Variants in RXYLT1 observed in about 807,000 individuals in gnomAD.
RXYLT1 encodes the protein ribitol-5-phosphate xylosyltransferase 1.
A neutral mutation model predicts 43.5 loss-of-function variants in RXYLT1; 41 were observed. The ratio of observed to expected loss-of-function variants is 0.94; its 90% CI spans 0.73 to 1.22. The LOEUF is 1.22. RXYLT1 is among the 50% of genes most tolerant of loss of function. The probability of loss-of-function intolerance (pLI) is 0.00; values close to 1 mark genes in which losing one functional copy is unlikely to be tolerated. For missense variants in RXYLT1, 514 were observed against 532.0 expected (o/e 0.97, Z 0.33); for synonymous variants, 166 against 194.4 (o/e 0.85, Z 1.21).
chr12:63,787,089 G>A (rs773554268), intron 3 of RXYLT1, among the ~76,000 whole-genome samples: 6 of 152,046 alleles, frequency 3.9e-5, no homozygotes, highest in Admixed American at 2.6e-4. Flanking sequence ...CTCCAACCCC[G>A]GGCGACAGAA....
rs1898402041 is a variant in RXYLT1 at position 63,809,482 on chromosome 12, T to C, written c.*390T>C. On this transcript the variant is annotated 3_prime_UTR_variant, in exon 6 of 6. Coordinates refer to ENST00000261234, the MANE Select transcript of RXYLT1 (RefSeq NM_014254.3). ...AATGACTATGTTACTGGTTTATGTA[T>C]TTACTATACTATACTTTTTACAATT... 5.9e-6 allele frequency: 1 copy of C among 168,544 alleles called. No homozygotes were observed. Among genetic ancestry groups the C allele is most frequent in the Admixed American group, 6.1e-5 (1 of 16,370 alleles). The allele number at this position is 168,544 out of a possible 1,614,324, so 10.4% of individuals were successfully genotyped here.
rs201449460 is a variant in RXYLT1, at chr12:63,781,798, TAGAA to T, written c.325+627_325+630del. On this transcript the variant is annotated intron_variant, in intron 2 of 5. Transcript: ENST00000261234. ...AAGAGTCACAAAGAATTTAGTGACT[TAGAA>T]AGCGCTTTATGTGGCCTTTGAACAT... Among the ~76,000 whole-genome samples, 1,170 of 152,230 alleles carry T rather than the reference TAGAA, an allele frequency of 7.7e-3. 11 individuals are homozygous for T. The highest frequency in any genetic ancestry group is 0.027 in the African/African-American group (1,118 of 41,538).
intron 3 of RXYLT1, among the ~76,000 whole-genome samples, chr12:63,794,646 ATATCT>A (rs1389087063): frequency 1.3e-5 from 2 of 152,088 alleles, no homozygotes; most frequent in Non-Finnish European, 2.9e-5. Context: ...AACAAAAGTA[ATATCT>A]TATTCCTAAA....
chr12:63,800,978 CA>C (rs1375660946), intron 3 of RXYLT1, among the ~76,000 whole-genome samples: 1 of 151,160 alleles, frequency 6.6e-6, no homozygotes, highest in East Asian at 1.9e-4. Context: ...TCAAAACTAA[CA>C]AATTTCAGCT....
chr12:63,808,637 G>A, intron 5 of RXYLT1, 38 bp from the exon 6 acceptor site: 1 of 1,580,730 alleles, frequency 6.3e-7, no homozygotes. Flanking sequence ...TATATACTTA[G>A]TAAAGTGAAA....
Position 63,808,834 on chromosome 12 carries a change from A to C in RXYLT1, c.1074A>C (p.Thr358=), listed in dbSNP as rs148356495. Residue 358 remains threonine, a synonymous_variant, in exon 6 of 6, where the codon ACA becomes ACC. Transcript: ENST00000261234. ...TTCCTGTGGTGGAAGACGTGATGACAGCTGGCAACTGTGGGAATACATCTG... is the reference window on the plus strand; with the variant it reads ...TTCCTGTGGTGGAAGACGTGATGACCGCTGGCAACTGTGGGAATACATCTG... ...GSIPVVEDVM[T]AGNCGNTSVH... is the part of the protein sequence containing the mutation. The C allele has an allele frequency of 7.4e-5, 120 of 1,614,134 alleles. 1 individual carries two copies. The African/African-American group carries it at 1.4e-3, about 18-fold the overall frequency.
At chr12:63,808,596 AT>A in intron 5 of RXYLT1, 78 bp from the exon 6 acceptor site, 1 of 1,476,836 alleles carries the variant, frequency 6.8e-7, no homozygotes, top group Non-Finnish European at 9.1e-7. Flanking sequence ...AACTGATTTT[AT>A]TAAAAGATAA....
rs1898003105 is a variant in RXYLT1 at position 63,795,217 on chromosome 12, C to CT, written c.429-6873dup. Among the ~76,000 whole-genome samples, 5 of 151,884 alleles carry CT rather than the reference C, an allele frequency of 3.3e-5. No individual in the cohort carries two copies. In the South Asian group the frequency reaches 1.0e-3, roughly 32 times the overall value. On this transcript the variant is annotated intron_variant, in intron 3 of 5. Coordinates refer to ENST00000261234, the MANE Select transcript of RXYLT1 (RefSeq NM_014254.3). ...ATAGCTTGAGCCTGGGAGGTCAAGGCTGCAAGTGAGCTGTGATCACGTGAC... is the reference window on the plus strand; with the variant it reads ...ATAGCTTGAGCCTGGGAGGTCAAGGCTTGCAAGTGAGCTGTGATCACGTGAC...
At position 63,806,803 on chromosome 12, in the gene RXYLT1, C is replaced by T. The variant is rs117988548; in HGVS notation, c.914+1399C>T. 4.6e-3 allele frequency: 697 copies of T among 152,470 alleles called. 3 individuals carry two copies. Among genetic ancestry groups the T allele is most frequent in the Non-Finnish European group, 6.8e-3 (466 of 68,096 alleles). The allele number at this position is 152,470 out of a possible 1,614,324, so 9.4% of individuals were successfully genotyped here. A position where few individuals can be genotyped will look rare whatever the true frequency, so the allele number is the denominator to read the frequency against. ...CACCCTTACTCTCTGAAATCATGCA[C>T]TTACCCTTGGGTTTCTCCCCCTACT... On this transcript the variant is annotated intron_variant, in intron 5 of 5. Coordinates refer to ENST00000261234, the MANE Select transcript of RXYLT1 (RefSeq NM_014254.3).
At chr12:63,786,320 T>C (rs1277253690) in intron 3 of RXYLT1, among the ~76,000 whole-genome samples, 1 of 152,172 alleles carries the variant, frequency 6.6e-6, no homozygotes, top group Non-Finnish European at 1.5e-5. Flanking sequence ...AAATGTATCC[T>C]TTACTTCTGA....
chr12:63,781,339 A>T lies in RXYLT1; in HGVS notation c.325+165A>T, dbSNP rs541439035. 1.4e-4 allele frequency among the ~76,000 whole-genome samples: 21 copies of T among 152,322 alleles called. 1 individual carries two copies. The South Asian group carries it at 4.4e-3, about 32-fold the overall frequency. On this transcript the variant is annotated intron_variant, in intron 2 of 5. Transcript: ENST00000261234. Reference sequence around the variant, plus strand: ...ATTCCTTTCTCCTTCCAATTAGACAACATCTGTTTGTAAATGTACACACAT... The same window carrying T: ...ATTCCTTTCTCCTTCCAATTAGACATCATCTGTTTGTAAATGTACACACAT...
chr12:63,784,895 C>T (rs754742891), intron 2 of RXYLT1, 75 bp from the exon 3 acceptor site: 59 of 1,301,478 alleles, frequency 4.5e-5, no homozygotes, highest in South Asian at 7.7e-5. Flanking sequence ...AAGAACAGAA[C>T]GTAAACTTGT....
At chr12:63,787,837 G>C (rs12422679) in intron 3 of RXYLT1, among the ~76,000 whole-genome samples, 6,904 of 152,250 alleles carry the variant, frequency 0.045, 282 homozygotes, top group East Asian at 0.2. Context: ...ATGTTGGCCA[G>C]GTCTCCTGTC....
intron 3 of RXYLT1, among the ~76,000 whole-genome samples, chr12:63,791,161 T>TA (rs780946519): frequency 6.6e-6 from 1 of 152,234 alleles, no homozygotes; most frequent in Non-Finnish European, 1.5e-5. Context: ...GAACTTTGCC[T>TA]ACCACTACTC....
In RXYLT1 at chr12:63,802,344, A is replaced by G. The variant is rs751810776; in HGVS notation, c.682A>G (p.Ile228Val). ...AGGCTTCGTGGAGCTGCTTTTCATA[A>G]TATATGACAGCCCCTGGATTAATGA... ...NGGFVELLFI[I>V]YDSPWINDVD... Residue 228 changes from isoleucine to valine, a missense_variant, in exon 4 of 6, where the codon ATA becomes GTA. By Grantham distance (29) the Ile-to-Val change is conservative. Transcript: ENST00000261234. 1 of 1,610,032 alleles carries G rather than the reference A, an allele frequency of 6.2e-7. No individual in the cohort carries two copies. The highest frequency in any genetic ancestry group is 8.5e-7 in the Non-Finnish European group (1 of 1,176,874).
chr12:63,797,805 G>C (rs1345311633), intron 3 of RXYLT1, among the ~76,000 whole-genome samples: 1 of 152,124 alleles, frequency 6.6e-6, no homozygotes, highest in African/African-American at 2.4e-5. Flanking sequence ...TAGGAGATTG[G>C]AAGTATCCCA....
At chr12:63,784,284 C>A (rs1401206288) in intron 2 of RXYLT1, among the ~76,000 whole-genome samples, 1 of 152,064 alleles carries the variant, frequency 6.6e-6, no homozygotes, top group African/African-American at 2.4e-5. Flanking sequence ...GAGAATGGAA[C>A]AAAAACCTCT....
At position 63,781,015 on chromosome 12, in the gene RXYLT1, A is replaced by G; in HGVS notation, c.170-4A>G. The G allele has an allele frequency of 1.9e-6, 3 of 1,581,776 alleles. No homozygotes were observed. Among genetic ancestry groups the G allele is most frequent in the Non-Finnish European group, 2.6e-6 (3 of 1,168,510 alleles). ...CTGGTAAACACTTACTCTTTTTAAAACAGAACAGTCCACTTTGGAAAGTGA... is the reference window on the plus strand; with the variant it reads ...CTGGTAAACACTTACTCTTTTTAAAGCAGAACAGTCCACTTTGGAAAGTGA... On this transcript the variant is annotated splice_polypyrimidine_tract_variant and splice_region_variant and intron_variant, in intron 1 of 5. Coordinates refer to ENST00000261234, the MANE Select transcript of RXYLT1 (RefSeq NM_014254.3).
intron 1 of RXYLT1, 42 bp downstream of exon 1, chr12:63,780,171 G>C (rs780554593): frequency 1.4e-6 from 2 of 1,414,496 alleles, no homozygotes; most frequent in Non-Finnish European, 1.8e-6. Flanking sequence ...CTGCGCTCCT[G>C]GCTGGGGCTG....
Sources: gnomAD v4.1 joint callset for allele counts (sites outside exome capture counted in the v4.1 genomes callset) on GRCh38, gnomAD v4.1.1 for gene constraint, MANE v1.5 for transcripts, NCBI Gene and HGNC (gene_info 2026-07-23, HGNC 2026-07-21) for gene names.